DOCK1: variants seen among roughly 807,000 people sequenced by gnomAD.
The protein encoded by DOCK1 is dedicator of cytokinesis 1, also known as dedicator of cytokinesis protein 1.
DOCK1 carries 138 observed loss-of-function variants against 262.7 expected under a neutral mutation model. The observed-to-expected ratio is 0.53, with a 90% CI of 0.46 to 0.61. DOCK1 has a LOEUF of 0.61. DOCK1 is among the 20% of genes least tolerant of loss of function. The pLI, the probability that DOCK1 is intolerant of heterozygous loss-of-function variation, is 0.00. For synonymous variants in DOCK1, 866 were observed against 867.4 expected (o/e 1.00, Z 0.03); for missense variants, 1,908 against 2,370.7 (o/e 0.80, Z 4.05).
At position 127,441,542 on chromosome 10, in the gene DOCK1, C is replaced by T. The variant is rs561247943; in HGVS notation, c.5259+2317C>T. Among the ~76,000 whole-genome samples the T allele has an allele frequency of 8.5e-5, 13 of 152,304 alleles. No individual in the cohort carries two copies. In the East Asian group the frequency reaches 1.2e-3, roughly 14 times the overall value. ...GGCACCTCCTCCAGGGGACGGGTGC[C>T]GGCAAGGTCTGTGAGGACAGTCAGA... On this transcript the variant is annotated intron_variant, in intron 49 of 51. Coordinates refer to ENST00000623213, the MANE Select transcript of DOCK1 (RefSeq NM_001290223.2).
At chr10:127,185,605 A>T (rs1332457315) in intron 27 of DOCK1, among the ~76,000 whole-genome samples, 1 of 152,174 alleles carries the variant, frequency 6.6e-6, no homozygotes, top group Non-Finnish European at 1.5e-5. Flanking sequence ...GCTTCCAAGG[A>T]GTCTTTTTAC....
chr10:127,191,179 A>C (rs2056730837), intron 27 of DOCK1, among the ~76,000 whole-genome samples: 1 of 152,064 alleles, frequency 6.6e-6, no homozygotes, highest in Non-Finnish European at 1.5e-5. Context: ...TCACCCACGA[A>C]GTGAGCCGGG....
intron 27 of DOCK1, among the ~76,000 whole-genome samples, chr10:127,157,883 C>G (rs2053234288): frequency 1.3e-5 from 2 of 152,140 alleles, no homozygotes; most frequent in African/African-American, 4.8e-5. Flanking sequence ...AAGTGTTGAC[C>G]TTGTCATGTG....
At chr10:127,342,716 T>C (rs991684044) in intron 30 of DOCK1, among the ~76,000 whole-genome samples, 6 of 152,138 alleles carry the variant, frequency 3.9e-5, no homozygotes, top group Non-Finnish European at 7.3e-5. Context: ...TTATCCCTGG[T>C]TTGTAAATGA....
intron 33 of DOCK1, among the ~76,000 whole-genome samples, chr10:127,372,859 A>G (rs911780014): frequency 6.6e-6 from 1 of 152,050 alleles, no homozygotes; most frequent in Non-Finnish European, 1.5e-5. Context: ...TCTCATCTTT[A>G]TGGGAATGAA....
At chr10:126,911,606 C>T (rs776734896) in intron 1 of DOCK1, among the ~76,000 whole-genome samples, 1 of 152,082 alleles carries the variant, frequency 6.6e-6, no homozygotes, top group Admixed American at 6.6e-5. Flanking sequence ...GAGGAGGGGT[C>T]AGAGTTTGAG....
chr10:126,987,013 T>G, intron 4 of DOCK1, among the ~76,000 whole-genome samples: 1 of 152,184 alleles, frequency 6.6e-6, no homozygotes, highest in East Asian at 1.9e-4. Flanking sequence ...AGAGTAACCA[T>G]GGACATTTGG....
intron 2 of DOCK1, among the ~76,000 whole-genome samples, chr10:126,975,633 T>TC (rs1015494821): frequency 2.6e-5 from 4 of 151,886 alleles, no homozygotes; most frequent in African/African-American, 9.7e-5. Context: ...CTTTTCTTTT[T>TC]TTTTTTTTTG....
chr10:127,308,691 T>G (rs2061960847), intron 29 of DOCK1, among the ~76,000 whole-genome samples: 1 of 152,134 alleles, frequency 6.6e-6, no homozygotes, highest in Admixed American at 6.6e-5. Flanking sequence ...GAGTGTTTGG[T>G]TTTTTGTTCC....
At chr10:127,002,781 T>C (rs980988684) in intron 10 of DOCK1, among the ~76,000 whole-genome samples, 1 of 152,180 alleles carries the variant, frequency 6.6e-6, no homozygotes, top group Non-Finnish European at 1.5e-5. Flanking sequence ...TATCTGCTGA[T>C]CACATGGACA....
At chr10:127,253,060 G>A (rs1183861302) in intron 28 of DOCK1, among the ~76,000 whole-genome samples, 1 of 152,100 alleles carries the variant, frequency 6.6e-6, no homozygotes, top group African/African-American at 2.4e-5. Context: ...CAATAGACAT[G>A]TTCAGCTCAG....
chr10:127,206,653 C>T (rs960523106), intron 27 of DOCK1, among the ~76,000 whole-genome samples: 1 of 152,052 alleles, frequency 6.6e-6, no homozygotes, highest in Non-Finnish European at 1.5e-5. Flanking sequence ...CAGTAGAATC[C>T]GAGCTCAATA....
chr10:127,406,795 G>A (rs893558672), intron 40 of DOCK1, among the ~76,000 whole-genome samples: 3 of 152,062 alleles, frequency 2.0e-5, no homozygotes, highest in Non-Finnish European at 2.9e-5. Flanking sequence ...AATGTTATTC[G>A]TGTTTTTACC....
chr10:127,295,742 A>G (rs1427763628), intron 29 of DOCK1, among the ~76,000 whole-genome samples: 3 of 152,046 alleles, frequency 2.0e-5, no homozygotes, highest in African/African-American at 7.3e-5. Flanking sequence ...TTAAACAAAC[A>G]CAGCCCACAG....
chr10:127,059,836 G>A (rs2045415433), intron 22 of DOCK1, among the ~76,000 whole-genome samples: 2 of 152,098 alleles, frequency 1.3e-5, no homozygotes, highest in Non-Finnish European at 2.9e-5. Flanking sequence ...CTGGTTTTCT[G>A]CTGAGTTTAA....
intron 27 of DOCK1, among the ~76,000 whole-genome samples, chr10:127,224,684 T>A (rs926137510): frequency 2.0e-5 from 3 of 151,814 alleles, no homozygotes; most frequent in African/African-American, 7.3e-5. Flanking sequence ...CACACCCCTA[T>A]ACTTTAGCCT....
intron 46 of DOCK1, among the ~76,000 whole-genome samples, chr10:127,422,533 AATTAT>A (rs1401713503): frequency 6.6e-6 from 1 of 152,162 alleles, no homozygotes; most frequent in African/African-American, 2.4e-5. Flanking sequence ...TATAAACAAA[AATTAT>A]ATTAAAAGGG....
chr10:127,246,689 C>T (rs933088906), intron 27 of DOCK1, among the ~76,000 whole-genome samples: 2 of 152,068 alleles, frequency 1.3e-5, no homozygotes, highest in African/African-American at 2.4e-5. Flanking sequence ...ATGCGTCCTT[C>T]GAGGACTCAT....
rs374676061 is a variant in DOCK1 at position 127,362,220 on chromosome 10, C to G, written c.3432+8C>G. ...ACCCGAAGCTTCCAAATGGTAAGGA[C>G]GTAGATGTGCAGCGAGTGGCCGGGG... On this transcript the variant is annotated splice_region_variant and intron_variant, in intron 33 of 51. Coordinates refer to ENST00000623213, the MANE Select transcript of DOCK1 (RefSeq NM_001290223.2). 1.2e-5 allele frequency: 19 copies of G among 1,610,702 alleles called. No homozygotes were observed. The African/African-American group carries it at 2.1e-4, about 18-fold the overall frequency.
Sources: gnomAD v4.1 joint callset for allele counts (sites outside exome capture counted in the v4.1 genomes callset) on GRCh38, gnomAD v4.1.1 for gene constraint, MANE v1.5 for transcripts, NCBI Gene and HGNC (gene_info 2026-07-23, HGNC 2026-07-21) for gene names.